The following CAPN6 variants were observed in gnomAD, a reference collection of about 807,000 sequenced individuals.
CAPN6 encodes the protein calpain-6.
Under a neutral mutation model 46.0 loss-of-function variants are expected in CAPN6, and 16 were observed. That is an observed-to-expected ratio of 0.35 (90% CI 0.24 to 0.53). The LOEUF (loss-of-function observed/expected upper bound fraction) is 0.53. Among genes scored for constraint, CAPN6 ranks in the 20% least tolerant of loss-of-function variants. The pLI, the probability that CAPN6 is intolerant of heterozygous loss-of-function variation, is 0.94. For missense variants in CAPN6, 461 were observed against 498.0 expected, an observed-to-expected ratio of 0.93 and a Z score of 0.71; for synonymous variants, 206 against 172.8, an observed-to-expected ratio of 1.19 and a Z score of -1.51.
intron 3 of CAPN6, among the ~76,000 whole-genome samples, chrX:111,253,520 G>A (rs2094981371): frequency 8.9e-6 from 1 of 112,545 alleles, no homozygotes; most frequent in Non-Finnish European, 1.9e-5. Context: ...TAGATGTTGA[G>A]AAGCGGACTA....
rs749393804 is a variant in CAPN6, at chrX:111,270,385, G to A, written c.-30C>T. 5.1e-4 allele frequency: 155 copies of A among 306,183 alleles called. 5 individuals carry two copies. In the African/African-American group the frequency reaches 8.2e-3, roughly 16 times the overall value. The allele number at this position is 306,183 out of a possible 1,213,427, so 25.2% of individuals were successfully genotyped here. ...TCTCTACTCACCTGAGTTATCCCAG[G>A]AGCCCTGCTGCTGCTGCTGCTGCTG... On this transcript the variant is annotated 5_prime_UTR_variant, in exon 1 of 13. Transcript: ENST00000324068.
chrX:111,246,779 G>A lies in CAPN6; in HGVS notation c.1744-20C>T, dbSNP rs755562953. 5.1e-6 allele frequency: 6 copies of A among 1,169,381 alleles called. No homozygotes were observed. In the African/African-American group the frequency reaches 1.1e-4, roughly 21 times the overall value. On this transcript the variant is annotated intron_variant, in intron 12 of 12. Transcript: ENST00000324068. Reference sequence around the variant, plus strand: ...CCAGACCTGGAAAGACAAACGAAGGGAGTGAAGATGAGCAGCCCTCAGTGA... The same window carrying A: ...CCAGACCTGGAAAGACAAACGAAGGAAGTGAAGATGAGCAGCCCTCAGTGA...
chrX:111,257,304 T>G (rs780346828), intron 2 of CAPN6, among the ~76,000 whole-genome samples: 10 of 111,627 alleles, frequency 9.0e-5, no homozygotes, highest in Non-Finnish European at 7.5e-5. Context: ...ACCTAAACAC[T>G]CTTCACTCTT....
chrX:111,248,395 A>T (rs1357813692), intron 10 of CAPN6, among the ~76,000 whole-genome samples, 174 bp downstream of exon 10: 1 of 112,483 alleles, frequency 8.9e-6, no homozygotes, highest in Admixed American at 9.4e-5. Flanking sequence ...TCACTGGGGA[A>T]TTTCCCCCAA....
In CAPN6 at chrX:111,270,352, G is replaced by T. The variant is rs963383801; in HGVS notation, c.-16+19C>A. 6.5e-6 allele frequency: 2 copies of T among 307,571 alleles called. No individual in the cohort carries two copies. The highest frequency in any genetic ancestry group is 1.2e-5 in the Non-Finnish European group (2 of 160,259). 25.3% of individuals were successfully genotyped at this position (307,571 alleles called of 1,213,427 possible). On this transcript the variant is annotated intron_variant, in intron 1 of 12. Coordinates refer to ENST00000324068, the MANE Select transcript of CAPN6 (RefSeq NM_014289.4). ...AAATAAAACTCCAGGGTAAGTTTGC[G>T]AATTCCCTCTCTACTCACCTGAGTT... is the stretch of plus-strand genomic sequence containing the variant.
Position 111,246,465 on chromosome X carries a change from A to C in CAPN6, c.*112T>G. 1.6e-6 allele frequency: 1 copy of C among 639,232 alleles called. No individual in the cohort carries two copies. The highest frequency in any genetic ancestry group is 3.3e-5 in the East Asian group (1 of 30,344). The allele number at this position is 639,232 out of a possible 1,213,427, so 52.7% of individuals were successfully genotyped here. On this transcript the variant is annotated 3_prime_UTR_variant, in exon 13 of 13. Coordinates refer to ENST00000324068, the MANE Select transcript of CAPN6 (RefSeq NM_014289.4). ...AATTTATCAGAAGAGAGGAAGAGTT[A>C]ATTATTGTGAATCTCATTCTTTCTA...
At chrX:111,248,368 C>T (rs1388722309) in intron 10 of CAPN6, among the ~76,000 whole-genome samples, 1 of 112,459 alleles carries the variant, frequency 8.9e-6, no homozygotes, top group Non-Finnish European at 1.9e-5. Flanking sequence ...TAGCTCAGAG[C>T]TCTGAAGTTC....
At chrX:111,253,844 T>G (rs1399672072) in intron 3 of CAPN6, among the ~76,000 whole-genome samples, 1 of 112,432 alleles carries the variant, frequency 8.9e-6, no homozygotes, top group African/African-American at 3.2e-5. Context: ...CTATTAATAA[T>G]TTATTAGAAC....
In CAPN6 at chrX:111,251,544, C is replaced by CTCACATT; in HGVS notation, c.891_893+4dup. 8.4e-7 allele frequency: 1 copy of CTCACATT among 1,191,365 alleles called. No homozygotes were observed. The highest frequency in any genetic ancestry group is 1.1e-6 in the Non-Finnish European group (1 of 878,075). On this transcript the variant is annotated splice_donor_region_variant and intron_variant, in intron 6 of 12. Transcript: ENST00000324068. Reference sequence around the variant, plus strand: ...ATGTAGCTGTGAAAGTGGAATGCAACTCACATTTCACTCCAGGGGCCACTC... The same window carrying CTCACATT: ...ATGTAGCTGTGAAAGTGGAATGCAACTCACATTTCACATTTCACTCCAGGGGCCACTC...
Position 111,270,389 on chromosome X carries a change from C to T in CAPN6, c.-34G>A. 1 of 335,948 alleles carries T rather than the reference C, an allele frequency of 3.0e-6. No homozygotes were observed. Among genetic ancestry groups the T allele is most frequent in the South Asian group, 2.6e-5 (1 of 37,740 alleles). The allele number at this position is 335,948 out of a possible 1,213,427, so 27.7% of individuals were successfully genotyped here. On this transcript the variant is annotated 5_prime_UTR_variant, in exon 1 of 13. Transcript: ENST00000324068. ...TACTCACCTGAGTTATCCCAGGAGC[C>T]CTGCTGCTGCTGCTGCTGCTGCTGC...
rs1446055155 is a variant in CAPN6, at chrX:111,252,352, C to T, written c.654G>A (p.Leu218=). Reference sequence around the variant, plus strand: ...GACCACCTTTGGTAAATGTTTTGTACAGTTCTCCGAATAGCTTGTACTTCT... The same window carrying T: ...GACCACCTTTGGTAAATGTTTTGTATAGTTCTCCGAATAGCTTGTACTTCT... The part of the protein sequence containing the change: ...VEEKYKLFGE[L]YKTFTKGGLI... The change falls in exon 5 of 13, where the codon CTG becomes CTA. Residue 218 remains leucine (L), a synonymous_variant. Transcript: ENST00000324068. 1 of 1,209,577 alleles carries T rather than the reference C, an allele frequency of 8.3e-7. No homozygotes were observed. The highest frequency in any genetic ancestry group is 3.0e-5 in the East Asian group (1 of 33,783).
chrX:111,251,433 G>T, intron 6 of CAPN6, 116 bp downstream of exon 6: 1 of 901,012 alleles, frequency 1.1e-6, no homozygotes, highest in South Asian at 2.3e-5. Flanking sequence ...CCCCGTGCCT[G>T]ACAAAAGCCC....
Position 111,249,621 on chromosome X carries a change from G to C in CAPN6, c.1159-564C>G, listed in dbSNP as rs887636565. 3.6e-5 allele frequency among the ~76,000 whole-genome samples: 4 copies of C among 110,384 alleles called. No homozygotes were observed. In the Admixed American group the frequency reaches 3.9e-4, roughly 11 times the overall value. On this transcript the variant is annotated intron_variant, in intron 8 of 12. Coordinates refer to ENST00000324068, the MANE Select transcript of CAPN6 (RefSeq NM_014289.4). ...CATCTGGGGAATCACGGTGCTATTA[G>C]GAGATAAAACTAAAAGGCATCAGAT... is the stretch of plus-strand genomic sequence containing the variant.
intron 1 of CAPN6, among the ~76,000 whole-genome samples, chrX:111,265,162 G>A (rs938804074): frequency 8.9e-5 from 10 of 112,223 alleles, no homozygotes; most frequent in Admixed American, 2.8e-4. Flanking sequence ...GGCAGTCGCT[G>A]TTTTATAAAA....
chrX:111,256,847 C>T (rs1603408780), intron 2 of CAPN6, among the ~76,000 whole-genome samples: 1 of 53,837 alleles, frequency 1.9e-5, no homozygotes, highest in Admixed American at 1.7e-4. Context: ...AATTTGGGAC[C>T]CCCCCCCCCA....
At chrX:111,252,252 G>A (rs959911900) in intron 5 of CAPN6, 55 bp downstream of exon 5, 3 of 966,468 alleles carry the variant, frequency 3.1e-6, no homozygotes, top group Non-Finnish European at 4.2e-6. Flanking sequence ...ACCAAACTTT[G>A]TAGTCTCTTC....
chrX:111,270,087 T>C (rs764612728), intron 1 of CAPN6, among the ~76,000 whole-genome samples: 1 of 111,800 alleles, frequency 8.9e-6, no homozygotes, highest in Admixed American at 9.4e-5. Context: ...CACGCGTGTG[T>C]GCACACACAC....
rs2094973712 is a variant in CAPN6, at chrX:111,245,602, G to T, written c.*975C>A. ...GAGGCACAGGACAATGGGCTTGTTT[G>T]TAAACCTAGCAGCAGCGAGAGGTTT... On this transcript the variant is annotated 3_prime_UTR_variant, in exon 13 of 13. Coordinates refer to ENST00000324068, the MANE Select transcript of CAPN6 (RefSeq NM_014289.4). 1 of 112,544 alleles carries T rather than the reference G, an allele frequency of 8.9e-6. No individual in the cohort carries two copies. Among genetic ancestry groups the T allele is most frequent in the Non-Finnish European group, 1.9e-5 (1 of 53,298 alleles). 9.3% of individuals were successfully genotyped at this position (112,544 alleles called of 1,213,427 possible).
rs1179474561 is a variant in CAPN6 at position 111,261,450 on chromosome X, AAC to A, written c.165+2320_165+2321del. 8.0e-5 allele frequency among the ~76,000 whole-genome samples: 9 copies of A among 112,572 alleles called. No homozygotes were observed. In the Admixed American group the frequency reaches 8.4e-4, roughly 11 times the overall value. On this transcript the variant is annotated intron_variant, in intron 2 of 12. Coordinates refer to ENST00000324068, the MANE Select transcript of CAPN6 (RefSeq NM_014289.4). ...GTAAAATAATGTATAGAAAACTTCA[AAC>A]ACAGTATCTGGCCCATAGTACGCAT...
Sources: allele counts gnomAD v4.1 joint callset (sites outside exome capture counted in the v4.1 genomes callset), GRCh38; gene constraint gnomAD v4.1.1; transcripts MANE v1.5; gene names NCBI Gene and HGNC (gene_info 2026-07-23, HGNC 2026-07-21).